The following GRID2 variants were observed in gnomAD, a reference collection of about 807,000 sequenced individuals.
GRID2 encodes the protein glutamate receptor ionotropic, delta-2.
GRID2 carries 33 observed loss-of-function variants against 114.8 expected under a neutral mutation model. The ratio of observed to expected loss-of-function variants is 0.29; its 90% CI spans 0.22 to 0.38. GRID2 has a LOEUF of 0.38. GRID2 is among the 10% of genes least tolerant of loss of function. GRID2 has a pLI of 1.00. For synonymous variants in GRID2, 505 were observed against 449.9 expected, an observed-to-expected ratio of 1.12 and a Z score of -1.55; for missense variants, 1,184 against 1,257.7, an observed-to-expected ratio of 0.94 and a Z score of 0.89.
intron 2 of GRID2, among the ~76,000 whole-genome samples, chr4:92,648,190 A>G (rs986265019): frequency 6.7e-6 from 1 of 149,822 alleles, no homozygotes; most frequent in Non-Finnish European, 1.5e-5. Flanking sequence ...GCAATGTCTA[A>G]TTCAGTCCCT....
chr4:92,863,631 A>C (rs1744674031), intron 2 of GRID2, among the ~76,000 whole-genome samples: 1 of 152,162 alleles, frequency 6.6e-6, no homozygotes, highest in South Asian at 2.1e-4. Flanking sequence ...ATTAGTGTGT[A>C]TCTTCACTTT....
At chr4:93,565,062 G>A (rs990318388) in intron 13 of GRID2, among the ~76,000 whole-genome samples, 2 of 151,794 alleles carry the variant, frequency 1.3e-5, no homozygotes, top group Non-Finnish European at 2.9e-5. Context: ...AGTTGCAATT[G>A]AACTGTCAAA....
chr4:93,316,429 A>C (rs1756672043), intron 8 of GRID2, among the ~76,000 whole-genome samples: 1 of 152,006 alleles, frequency 6.6e-6, no homozygotes, highest in Non-Finnish European at 1.5e-5. Flanking sequence ...TGAAAGAAGA[A>C]AGAAAAAAGC....
At chr4:93,068,676 G>T (rs949198376) in intron 2 of GRID2, among the ~76,000 whole-genome samples, 1 of 142,424 alleles carries the variant, frequency 7.0e-6, no homozygotes, top group South Asian at 2.3e-4. Context: ...CCTACTCAAA[G>T]TAGCCTTTCC....
At chr4:93,614,734 C>G (rs1741414380) in intron 13 of GRID2, among the ~76,000 whole-genome samples, 2 of 152,034 alleles carry the variant, frequency 1.3e-5, no homozygotes, top group South Asian at 4.1e-4. Context: ...TTATTTTTAA[C>G]TCTTTGCTGA....
intron 2 of GRID2, among the ~76,000 whole-genome samples, chr4:92,637,139 G>A (rs1196601831): frequency 6.6e-6 from 1 of 151,718 alleles, no homozygotes; most frequent in Admixed American, 6.6e-5. Context: ...TTCTCATAAT[G>A]TTTTTGAATA....
chr4:92,539,577 C>T (rs1005976261), intron 1 of GRID2, among the ~76,000 whole-genome samples: 4 of 151,820 alleles, frequency 2.6e-5, no homozygotes, highest in Admixed American at 1.3e-4. Context: ...ATTTACATTA[C>T]AGATAGAAAA....
chr4:93,770,788 A>G (rs1187716763), intron 15 of GRID2, among the ~76,000 whole-genome samples: 4 of 152,190 alleles, frequency 2.6e-5, no homozygotes, highest in Non-Finnish European at 5.9e-5. Flanking sequence ...TTATATTTTG[A>G]ATTACTCTAT....
chr4:93,773,463 A>G lies in GRID2; in HGVS notation c.*965A>G, dbSNP rs1425573601. 1.3e-5 allele frequency: 2 copies of G among 152,158 alleles called. No individual in the cohort carries two copies. Among genetic ancestry groups the G allele is most frequent in the Non-Finnish European group, 2.9e-5 (2 of 68,002 alleles). 9.4% of individuals were successfully genotyped at this position (152,158 alleles called of 1,614,324 possible). ...TTATTAAAGCATCCAGGGCAATTTA[A>G]TATTTGTTCCTAGATGTAACTCATT... On this transcript the variant is annotated 3_prime_UTR_variant, in exon 16 of 16. Coordinates refer to ENST00000282020, the MANE Select transcript of GRID2 (RefSeq NM_001510.4).
intron 2 of GRID2, among the ~76,000 whole-genome samples, chr4:93,036,900 T>C (rs1160442655): frequency 2.0e-5 from 3 of 152,164 alleles, no homozygotes; most frequent in Non-Finnish European, 4.4e-5. Context: ...CTTGATAACA[T>C]AGGATAAACA....
chr4:93,420,593 C>T (rs1461653356), intron 9 of GRID2, among the ~76,000 whole-genome samples: 1 of 151,982 alleles, frequency 6.6e-6, no homozygotes, highest in Non-Finnish European at 1.5e-5. Flanking sequence ...TATTAGAAAT[C>T]TGATTCATTC....
In GRID2 at chr4:92,304,499, TTCTC is replaced by T. The variant is rs1482078298; in HGVS notation, c.-157_-154del. 1 of 637,576 alleles carries T rather than the reference TTCTC, an allele frequency of 1.6e-6. No homozygotes were observed. Among genetic ancestry groups the T allele is most frequent in the Non-Finnish European group, 2.8e-6 (1 of 359,752 alleles). 39.5% of individuals were successfully genotyped at this position (637,576 alleles called of 1,614,324 possible). On this transcript the variant is annotated 5_prime_UTR_variant, in exon 1 of 16. Coordinates refer to ENST00000282020, the MANE Select transcript of GRID2 (RefSeq NM_001510.4). ...CTCTTTCTGTCATTCCCTTCTGCCT[TTCTC>T]GGCGACGATAAAAGGCTTTGCTCTG...
chr4:93,131,901 T>C (rs1029773477), intron 4 of GRID2, among the ~76,000 whole-genome samples: 8 of 152,190 alleles, frequency 5.3e-5, no homozygotes, highest in Admixed American at 4.6e-4. Flanking sequence ...GAACATCTGT[T>C]AGTTGCTTAA....
At chr4:93,453,339 A>T (rs1399376812) in intron 10 of GRID2, among the ~76,000 whole-genome samples, 3 of 147,054 alleles carry the variant, frequency 2.0e-5, no homozygotes, top group Non-Finnish European at 4.4e-5. Context: ...AGAGAGAGAG[A>T]GAGAGAGAGA....
At chr4:93,304,617 T>A (rs1484105792) in intron 8 of GRID2, among the ~76,000 whole-genome samples, 1 of 152,146 alleles carries the variant, frequency 6.6e-6, no homozygotes, top group Non-Finnish European at 1.5e-5. Flanking sequence ...TAACACACAC[T>A]ACAAGGAATG....
At chr4:92,945,068 A>G (rs1477471794) in intron 2 of GRID2, among the ~76,000 whole-genome samples, 2 of 152,128 alleles carry the variant, frequency 1.3e-5, no homozygotes, top group African/African-American at 2.4e-5. Flanking sequence ...ATTTCTGATA[A>G]CTAAGTTTGA....
rs188857202 is a variant in GRID2, at chr4:92,324,873, A to G, written c.88+20129A>G. On this transcript the variant is annotated intron_variant, in intron 1 of 15. Coordinates refer to ENST00000282020, the MANE Select transcript of GRID2 (RefSeq NM_001510.4). ...TAATTTTTCATAGTTTTCACATATC[A>G]TTTATTGAACAAATACCATTGTAAT... 4.5e-3 allele frequency among the ~76,000 whole-genome samples: 677 copies of G among 152,074 alleles called. 7 individuals carry two copies. Among genetic ancestry groups the G allele is most frequent in the African/African-American group, 0.016 (647 of 41,554 alleles).
intron 2 of GRID2, among the ~76,000 whole-genome samples, chr4:92,851,883 A>G (rs773862471): frequency 7.4e-4 from 113 of 151,978 alleles, no homozygotes; most frequent in Non-Finnish European, 1.4e-3. Context: ...ATCAAAAAAT[A>G]TGTACTTTCT....
chr4:92,774,736 C>A (rs564962353), intron 2 of GRID2, among the ~76,000 whole-genome samples: 1 of 151,376 alleles, frequency 6.6e-6, no homozygotes, highest in Non-Finnish European at 1.5e-5. Flanking sequence ...GCTGGGACTA[C>A]AGGCTCACAC....
Sources: gnomAD v4.1 joint callset for allele counts (sites outside exome capture counted in the v4.1 genomes callset) on GRCh38, gnomAD v4.1.1 for gene constraint, MANE v1.5 for transcripts, NCBI Gene and HGNC (gene_info 2026-07-23, HGNC 2026-07-21) for gene names.